Variants in FAM89A observed in about 807,000 individuals in gnomAD.
FAM89A encodes the protein family with sequence similarity 89 member A.
In FAM89A, 10 loss-of-function variants were observed where a neutral mutation model predicts 7.1. The ratio of observed to expected loss-of-function variants is 1.40; its 90% confidence interval spans 0.86 to 2.38. FAM89A has a LOEUF of 2.38. Among genes scored for constraint, FAM89A ranks in the 30% most tolerant of loss-of-function variants. FAM89A has a pLI of 0.00. For synonymous variants in FAM89A, 157 were observed against 129.3 expected, an observed-to-expected ratio of 1.21 and a Z score of -1.45; for missense variants, 276 against 262.8, an observed-to-expected ratio of 1.05 and a Z score of -0.35.
intron 1 of FAM89A, chr1:231,028,838 C>G (rs1006516225): frequency 1.3e-4 from 20 of 152,310 alleles, no homozygotes; most frequent in African/African-American, 3.6e-4. Context: ...TCCACCCCTC[C>G]CGCAACACAC....
intron 1 of FAM89A, 29 bp from the exon 2 acceptor site, chr1:231,020,155 A>T: frequency 6.4e-7 from 1 of 1,568,234 alleles, no homozygotes. Context: ...GAGGTAAAAA[A>T]CGAGAAGTCA....
chr1:231,027,332 A>ACTGGC (rs1679991391), intron 1 of FAM89A, among the ~76,000 whole-genome samples: 1 of 152,198 alleles, frequency 6.6e-6, no homozygotes, highest in South Asian at 2.1e-4. Context: ...CAGGTGGAAC[A>ACTGGC]CTGGCCTAGA....
chr1:231,037,155 T>C (rs1260016075), intron 1 of FAM89A, among the ~76,000 whole-genome samples: 1 of 152,196 alleles, frequency 6.6e-6, no homozygotes, highest in Non-Finnish European at 1.5e-5. Context: ...AGAGACCTGG[T>C]AGGGTCTGTG....
chr1:231,039,016 C>A (rs1680204992), intron 1 of FAM89A, among the ~76,000 whole-genome samples: 1 of 152,176 alleles, frequency 6.6e-6, no homozygotes, highest in Non-Finnish European at 1.5e-5. Context: ...GTGATGGGGG[C>A]CAGTAAGATG....
In FAM89A at chr1:231,020,460, C is replaced by A. The variant is rs564400467; in HGVS notation, c.292-334G>T. On this transcript the variant is annotated intron_variant, in intron 1 of 1. Coordinates refer to ENST00000366654, the MANE Select transcript of FAM89A (RefSeq NM_198552.3). The stretch of plus-strand genomic sequence containing the variant: ...GCCCCACCTGCTTTCACTTTGGACG[C>A]CAAGAAACGAGTGTGTCACTTCCTC... 3.0e-4 allele frequency among the ~76,000 whole-genome samples: 46 copies of A among 152,284 alleles called. 1 individual carries two copies. In the South Asian group the frequency reaches 7.0e-3, roughly 23 times the overall value.
At chr1:231,035,181 AC>A (rs1680139680) in intron 1 of FAM89A, among the ~76,000 whole-genome samples, 1 of 152,194 alleles carries the variant, frequency 6.6e-6, no homozygotes, top group African/African-American at 2.4e-5. Context: ...AATCCAGTTC[AC>A]TGGACAAGCT....
chr1:231,027,281 G>A (rs1047715320), intron 1 of FAM89A, among the ~76,000 whole-genome samples: 4 of 152,158 alleles, frequency 2.6e-5, no homozygotes, highest in Non-Finnish European at 5.9e-5. Context: ...GGACACTTCT[G>A]CACTGTAGCA....
intron 1 of FAM89A, among the ~76,000 whole-genome samples, chr1:231,029,158 A>C (rs1229313965): frequency 6.6e-6 from 1 of 152,220 alleles, no homozygotes; most frequent in Non-Finnish European, 1.5e-5. Context: ...TTTAAACCAA[A>C]ACATCATGAA....
chr1:231,023,202 C>T (rs1679910060), intron 1 of FAM89A, among the ~76,000 whole-genome samples: 1 of 152,204 alleles, frequency 6.6e-6, no homozygotes, highest in South Asian at 2.1e-4. Flanking sequence ...ACTTGGCTTT[C>T]TCATCCTTCC....
intron 1 of FAM89A, among the ~76,000 whole-genome samples, chr1:231,029,523 G>C (rs2103073890): frequency 6.6e-6 from 1 of 152,052 alleles, no homozygotes; most frequent in East Asian, 1.9e-4. Flanking sequence ...AATGACAAAG[G>C]CCCTTGCCTA....
At chr1:231,022,586 C>T (rs544831050) in intron 1 of FAM89A, among the ~76,000 whole-genome samples, 7 of 152,268 alleles carry the variant, frequency 4.6e-5, no homozygotes, top group African/African-American at 9.6e-5. Context: ...ATTGACCAAG[C>T]CAGACCCGGT....
At chr1:231,021,332 C>A (rs1313293051) in intron 1 of FAM89A, among the ~76,000 whole-genome samples, 3 of 152,262 alleles carry the variant, frequency 2.0e-5, no homozygotes, top group African/African-American at 4.8e-5. Context: ...AAACAGGATT[C>A]TAATGCCTCC....
chr1:231,030,099 G>A (rs1042112640), intron 1 of FAM89A, among the ~76,000 whole-genome samples: 1 of 152,232 alleles, frequency 6.6e-6, no homozygotes, highest in South Asian at 2.1e-4. Flanking sequence ...GTGGGTTCCA[G>A]CTCTGTGCTC....
At chr1:231,023,151 AG>A (rs1331696693) in intron 1 of FAM89A, among the ~76,000 whole-genome samples, 1 of 152,152 alleles carries the variant, frequency 6.6e-6, no homozygotes, top group Admixed American at 6.5e-5. Flanking sequence ...CCTTTTGCCC[AG>A]GTCACTGTTG....
intron 1 of FAM89A, among the ~76,000 whole-genome samples, chr1:231,024,914 C>CTTTTT (rs60500715): frequency 4.7e-5 from 3 of 63,408 alleles, no homozygotes; most frequent in Non-Finnish European, 3.0e-5. Flanking sequence ...CACAACTACT[C>CTTTTT]TTTTTTTTTT....
intron 1 of FAM89A, among the ~76,000 whole-genome samples, chr1:231,034,985 C>G (rs1223666379): frequency 3.9e-5 from 6 of 152,134 alleles, no homozygotes; most frequent in Non-Finnish European, 5.9e-5. Flanking sequence ...TCCCCAGTCT[C>G]CTCTGACCAA....
intron 1 of FAM89A, among the ~76,000 whole-genome samples, chr1:231,031,109 C>CAATAAT (rs138693629): frequency 0.013 from 1,971 of 150,376 alleles, 45 homozygotes; most frequent in African/African-American, 0.044. Context: ...GACTCTGTCT[C>CAATAAT]AATAATAATA....
intron 1 of FAM89A, among the ~76,000 whole-genome samples, chr1:231,036,962 T>C (rs1313443598): frequency 6.6e-6 from 1 of 152,264 alleles, no homozygotes; most frequent in East Asian, 1.9e-4. Flanking sequence ...AGTGGTATAC[T>C]ACACACTCAC....
At chr1:231,024,916 T>TA (rs1679938670) in intron 1 of FAM89A, among the ~76,000 whole-genome samples, 1 of 103,966 alleles carries the variant, frequency 9.6e-6, no homozygotes, top group South Asian at 4.2e-4. Context: ...CAACTACTCT[T>TA]TTTTTTTTTT....
Sources: gnomAD v4.1 joint callset for allele counts (sites outside exome capture counted in the v4.1 genomes callset) on GRCh38, gnomAD v4.1.1 for gene constraint, MANE v1.5 for transcripts, NCBI Gene and HGNC (gene_info 2026-07-23, HGNC 2026-07-21) for gene names.